The following ATXN1 variants were observed in gnomAD, a reference collection of about 807,000 sequenced individuals.
ATXN1 encodes ataxin 1.
A neutral mutation model predicts 56.4 loss-of-function variants in ATXN1; 8 were observed. The observed-to-expected ratio is 0.14, with a 90% CI of 0.08 to 0.26. The LOEUF (loss-of-function observed/expected upper bound fraction) is 0.26. Ranked by LOEUF, ATXN1 falls within the 10% of genes least tolerant of loss-of-function variation. ATXN1 has a pLI of 1.00. For missense variants in ATXN1, 987 were observed against 1,106.5 expected, an observed-to-expected ratio of 0.89 and a Z score of 1.53; for synonymous variants, 514 against 494.6, an observed-to-expected ratio of 1.04 and a Z score of -0.52.
chr6:16,653,300 C>T (rs1477317291), intron 3 of ATXN1, among the ~76,000 whole-genome samples: 1 of 152,260 alleles, frequency 6.6e-6, no homozygotes, highest in Non-Finnish European at 1.5e-5. Flanking sequence ...AGTGTCACCA[C>T]TGCAGTCTGC....
intron 3 of ATXN1, among the ~76,000 whole-genome samples, chr6:16,637,211 C>A (rs1276500432): frequency 1.3e-5 from 2 of 152,078 alleles, no homozygotes; most frequent in Non-Finnish European, 2.9e-5. Context: ...ATGGATGAAG[C>A]TGGAAACCAT....
chr6:16,558,617 C>A (rs550706472), intron 4 of ATXN1, among the ~76,000 whole-genome samples: 1 of 152,254 alleles, frequency 6.6e-6, no homozygotes, highest in East Asian at 1.9e-4. Flanking sequence ...GTGATGCTCT[C>A]GCCTTGGCCT....
intron 4 of ATXN1, among the ~76,000 whole-genome samples, chr6:16,571,273 G>C (rs1288586161): frequency 1.3e-5 from 2 of 152,008 alleles, no homozygotes; most frequent in Admixed American, 6.5e-5. Context: ...TAGAACCATT[G>C]ACTACCATTA....
chr6:16,530,479 A>G (rs1412372751), intron 4 of ATXN1, among the ~76,000 whole-genome samples: 2 of 152,210 alleles, frequency 1.3e-5, no homozygotes, highest in Non-Finnish European at 2.9e-5. Flanking sequence ...TTAGATAAAT[A>G]TTGTATCTGG....
intron 2 of ATXN1, among the ~76,000 whole-genome samples, chr6:16,710,742 C>G (rs1053938559): frequency 6.8e-5 from 10 of 148,132 alleles, no homozygotes; most frequent in African/African-American, 2.0e-4. Context: ...CACATGCCAC[C>G]TCACCCAGCT....
Position 16,306,519 on chromosome 6 carries a change from G to A in ATXN1, c.2258C>T (p.Pro753Leu). The change falls in exon 8 of 8, where the codon CCT (proline) becomes CTT (leucine). Residue 753 changes from proline to leucine, a missense_variant. By Grantham distance (98) the Pro-to-Leu change is moderately conservative (BLOSUM62 -3). Around this residue, in one of 3 missense-constraint regions of ATXN1, gnomAD observed 196 missense variants for 196.7 expected, o/e 1.00. Coordinates refer to ENST00000436367, the MANE Select transcript of ATXN1 (RefSeq NM_001128164.2). The surrounding 1 kb of genome is among the most constrained non-coding windows in gnomAD (Gnocchi z 5.2). ...ELKFPEKMGL[P>L]AAPFLTKIEP... is the part of the protein sequence containing the mutation. ...TATTTTGGTGAGGAAGGGCGCTGCA[G>A]GCAATCCCATTTTCTCTGGAAACTT... 1 of 1,614,196 alleles carries A rather than the reference G, an allele frequency of 6.2e-7. No individual in the cohort carries two copies. The highest frequency in any genetic ancestry group is 8.5e-7 in the Non-Finnish European group (1 of 1,180,038).
intron 4 of ATXN1, among the ~76,000 whole-genome samples, chr6:16,523,938 T>C (rs767572338): frequency 1.3e-5 from 2 of 152,246 alleles, no homozygotes; most frequent in African/African-American, 2.4e-5. Context: ...CAGAGACTAT[T>C]TTAAAGACGC....
intron 2 of ATXN1, among the ~76,000 whole-genome samples, chr6:16,706,490 C>T (rs111319686): frequency 0.02 from 3,098 of 152,104 alleles, 111 homozygotes; most frequent in African/African-American, 0.071. Context: ...TTTGGGAGGC[C>T]GAGGCAAGTG....
At chr6:16,351,070 C>T (rs1488761634) in intron 6 of ATXN1, among the ~76,000 whole-genome samples, 1 of 151,990 alleles carries the variant, frequency 6.6e-6, no homozygotes, top group African/African-American at 2.4e-5. Context: ...ACCTGGGAGA[C>T]AGAACAAGAC....
At chr6:16,679,237 TGG>T (rs1561805268) in intron 2 of ATXN1, among the ~76,000 whole-genome samples, 5 of 149,308 alleles carry the variant, frequency 3.3e-5, no homozygotes, top group Non-Finnish European at 4.5e-5. Flanking sequence ...AATAGATGGA[TGG>T]ATGGGTGGGT....
chr6:16,679,362 A>AGGTG (rs1298315039), intron 2 of ATXN1, among the ~76,000 whole-genome samples: 40 of 97,266 alleles, frequency 4.1e-4, no homozygotes, highest in Non-Finnish European at 5.3e-4. Context: ...ATAGATGGAT[A>AGGTG]GGTGGGTGGG....
At chr6:16,629,670 C>G (rs1045054156) in intron 3 of ATXN1, among the ~76,000 whole-genome samples, 7 of 152,024 alleles carry the variant, frequency 4.6e-5, no homozygotes, top group Admixed American at 3.9e-4. Context: ...AATCCCTGCA[C>G]TTTGGGAGGC....
At position 16,554,651 on chromosome 6, in the gene ATXN1, A is replaced by C. The variant is rs183040439; in HGVS notation, c.-361+31129T>G. On this transcript the variant is annotated intron_variant, in intron 4 of 7. Coordinates refer to ENST00000436367, the MANE Select transcript of ATXN1 (RefSeq NM_001128164.2). ...GTATTTTTAGTAGAGATGGGGTTTC[A>C]CCATGTTGGCCAGGCTAGTCTCGAA... Among the ~76,000 whole-genome samples, 1,387 of 151,854 alleles carry C rather than the reference A, an allele frequency of 9.1e-3. 11 individuals are homozygous for C. The highest frequency in any genetic ancestry group is 0.012 in the Non-Finnish European group (806 of 67,966).
At chr6:16,502,475 A>G (rs1215233319) in intron 5 of ATXN1, among the ~76,000 whole-genome samples, 1 of 152,210 alleles carries the variant, frequency 6.6e-6, no homozygotes, top group Admixed American at 6.5e-5. Flanking sequence ...CTTCAACTGA[A>G]CATGTACATA....
chr6:16,436,687 T>A (rs1401919914), intron 6 of ATXN1, among the ~76,000 whole-genome samples: 1 of 145,612 alleles, frequency 6.9e-6, no homozygotes, highest in East Asian at 2.0e-4. Flanking sequence ...TTCCTGGCAC[T>A]GAGTAAAGGG....
intron 3 of ATXN1, among the ~76,000 whole-genome samples, chr6:16,594,723 C>T (rs965222354): frequency 4.6e-5 from 7 of 152,118 alleles, no homozygotes; most frequent in Non-Finnish European, 5.9e-5. Context: ...CCTCGTGATC[C>T]GCCTGCCTCG....
chr6:16,346,866 G>T (rs1015207539), intron 6 of ATXN1, among the ~76,000 whole-genome samples: 1 of 152,232 alleles, frequency 6.6e-6, no homozygotes. Flanking sequence ...CCCTCAGCTT[G>T]CGCGGAGGTG....
chr6:16,538,255 C>A (rs1050598747), intron 4 of ATXN1, among the ~76,000 whole-genome samples: 1 of 152,148 alleles, frequency 6.6e-6, no homozygotes, highest in Admixed American at 6.5e-5. Flanking sequence ...AATCACTTAA[C>A]CTCACTGTTT....
intron 4 of ATXN1, among the ~76,000 whole-genome samples, chr6:16,559,485 A>G (rs1762075897): frequency 6.6e-6 from 1 of 152,250 alleles, no homozygotes; most frequent in African/African-American, 2.4e-5. Context: ...TTCCGATAAG[A>G]AAGGTTTTCC....
Sources: gnomAD v4.1 joint callset for allele counts (sites outside exome capture counted in the v4.1 genomes callset) on GRCh38, gnomAD v4.1.1 for gene constraint, gnomAD v4.1.1 regional missense constraint, Gnocchi (gnomAD v3.1) non-coding constraint, MANE v1.5 for transcripts, NCBI Gene and HGNC (gene_info 2026-07-23, HGNC 2026-07-21) for gene names.